The following ZFHX4 variants were observed in gnomAD, a reference collection of about 807,000 sequenced individuals.
ZFHX4 encodes zinc finger homeobox protein 4.
ZFHX4 carries 56 observed loss-of-function variants against 267.6 expected under a neutral mutation model. The observed-to-expected ratio is 0.21, with a 90% confidence interval of 0.17 to 0.26. The LOEUF (loss-of-function observed/expected upper bound fraction) is 0.26, where lower values mean the gene tolerates loss of function less well. Among genes scored for constraint, ZFHX4 ranks in the 10% least tolerant of loss-of-function variants. The pLI is 1.00. For missense variants in ZFHX4, 4,332 were observed against 4,420.0 expected (o/e 0.98, Z 0.56); for synonymous variants, 1,778 against 1,665.6 (o/e 1.07, Z -1.64).
chr8:76,799,784 T>C (rs964710636), intron 4 of ZFHX4, among the ~76,000 whole-genome samples: 1 of 152,144 alleles, frequency 6.6e-6, no homozygotes, highest in Non-Finnish European at 1.5e-5. Context: ...CTAGAAATGC[T>C]TCCTCGTCAC....
chr8:76,725,940 T>C (rs1284096202), intron 3 of ZFHX4, among the ~76,000 whole-genome samples: 1 of 152,140 alleles, frequency 6.6e-6, no homozygotes, highest in African/African-American at 2.4e-5. Flanking sequence ...AAAGCATTAA[T>C]AGATTTGTGT....
At position 76,749,128 on chromosome 8, in the gene ZFHX4, AC is replaced by A. The variant is rs764324542; in HGVS notation, c.3094-29079del. 7.9e-5 allele frequency among the ~76,000 whole-genome samples: 12 copies of A among 152,350 alleles called. No homozygotes were observed. In the East Asian group the frequency reaches 1.9e-3, roughly 24 times the overall value. On this transcript the variant is annotated intron_variant, in intron 3 of 10. Transcript: ENST00000651372. ...AATCCAAGCTTTCTTTAAAGTTGAT[AC>A]TACATGTATTCACTTCACTTCTGGT...
intron 3 of ZFHX4, among the ~76,000 whole-genome samples, chr8:76,752,901 C>T (rs1461263126): frequency 6.6e-6 from 1 of 152,028 alleles, no homozygotes; most frequent in Admixed American, 6.6e-5. Flanking sequence ...TGTACAATTC[C>T]TAAATTGACA....
At chr8:76,725,840 G>A (rs977826002) in intron 3 of ZFHX4, among the ~76,000 whole-genome samples, 2 of 152,116 alleles carry the variant, frequency 1.3e-5, no homozygotes, top group African/African-American at 4.8e-5. Flanking sequence ...CAATTGCAAG[G>A]ACATTTCGAA....
intron 1 of ZFHX4, among the ~76,000 whole-genome samples, chr8:76,695,578 T>G (rs1220471257): frequency 6.6e-6 from 1 of 152,232 alleles, no homozygotes; most frequent in African/African-American, 2.4e-5. Context: ...ATTCTGAAAC[T>G]TTAATTGAAA....
rs1812605809 is a variant in ZFHX4 at position 76,853,431 on chromosome 8, A to G, written c.6510A>G (p.Gln2170=). 6 of 1,613,892 alleles carry G rather than the reference A, an allele frequency of 3.7e-6. No homozygotes were observed. In the African/African-American group the frequency reaches 5.3e-5, roughly 14 times the overall value. The change falls in exon 10 of 11, where the codon CAA becomes CAG. Residue 2170 remains glutamine (Q), a synonymous_variant. Coordinates refer to ENST00000651372, the MANE Select transcript of ZFHX4 (RefSeq NM_024721.5). ...QEMAEKSGLS[Q]KVIKHWFRNT... is the part of the protein sequence containing the mutation. The stretch of plus-strand genomic sequence containing the variant: ...TGGCAGAGAAATCTGGCCTCTCCCA[A>G]AAAGTTATCAAACACTGGTTTAGAA...
Position 76,707,538 on chromosome 8 carries a change from T to C in ZFHX4, c.2591-8T>C, listed in dbSNP as rs1808308211. The C allele has an allele frequency of 6.6e-7, 1 of 1,520,450 alleles. No individual in the cohort carries two copies. The highest frequency in any genetic ancestry group is 2.3e-5 in the Admixed American group (1 of 43,832). The allele number at this position is 1,520,450 out of a possible 1,614,324, so 94.2% of individuals were successfully genotyped here. On this transcript the variant is annotated splice_polypyrimidine_tract_variant and splice_region_variant and intron_variant, in intron 2 of 10. Transcript: ENST00000651372. ...TCTATTTTTCCTTTTAATTTTTTTT[T>C]CCTGTAGTAAATAATGAGCTGCCGC...
Position 76,815,128 on chromosome 8 carries a change from G to C in ZFHX4, c.3326-18210G>C, listed in dbSNP as rs544197644. Among the ~76,000 whole-genome samples, 4 of 152,258 alleles carry C rather than the reference G, an allele frequency of 2.6e-5. No individual in the cohort carries two copies. In the East Asian group the frequency reaches 7.7e-4, roughly 29 times the overall value. On this transcript the variant is annotated intron_variant, in intron 4 of 10. Coordinates refer to ENST00000651372, the MANE Select transcript of ZFHX4 (RefSeq NM_024721.5). ...GAGTGAGGGAAATTATTTGCAGTAT[G>C]GTTAGAATGTGGAGGAGTTACTCAG... is the stretch of plus-strand genomic sequence containing the variant.
chr8:76,754,134 A>G (rs1300019203), intron 3 of ZFHX4, among the ~76,000 whole-genome samples: 1 of 152,130 alleles, frequency 6.6e-6, no homozygotes. Flanking sequence ...ATTCTTAGGA[A>G]CATATTTGTT....
chr8:76,861,338 C>T (rs866353464), intron 10 of ZFHX4, among the ~76,000 whole-genome samples: 7 of 152,124 alleles, frequency 4.6e-5, no homozygotes, highest in African/African-American at 1.4e-4. Flanking sequence ...TTAGTCTCCT[C>T]TAGCTCATCT....
Position 76,863,525 on chromosome 8 carries a change from G to C in ZFHX4, c.9811G>C (p.Ala3271Pro), listed in dbSNP as rs1235695039. 3 of 1,613,508 alleles carry C rather than the reference G, an allele frequency of 1.9e-6. No homozygotes were observed. Among genetic ancestry groups the C allele is most frequent in the Non-Finnish European group, 2.5e-6 (3 of 1,179,762 alleles). Residue 3271 changes from alanine (A) to proline (P), a missense_variant, in exon 11 of 11, where the codon GCT (alanine) becomes CCT (proline). Physicochemically the swap from Ala to Pro is conservative, Grantham distance 27 (BLOSUM62 -1). Coordinates refer to ENST00000651372, the MANE Select transcript of ZFHX4 (RefSeq NM_024721.5). ...QFLPYFIPGFASYFTPQLPGT... is the reference protein window; with the variant it reads ...QFLPYFIPGFPSYFTPQLPGT... ...CTTGCCATACTTTATCCCTGGGTTTGCTTCTTATTTTACACCTCAGCTCCC... is the reference window on the plus strand; with the variant it reads ...CTTGCCATACTTTATCCCTGGGTTTCCTTCTTATTTTACACCTCAGCTCCC...
intron 4 of ZFHX4, among the ~76,000 whole-genome samples, chr8:76,832,901 C>G (rs1002360887): frequency 1.3e-5 from 2 of 152,138 alleles, no homozygotes; most frequent in African/African-American, 4.8e-5. Flanking sequence ...CTGATGTTTG[C>G]TTTGGCACAT....
chr8:76,787,521 G>C (rs1362979264), intron 4 of ZFHX4, among the ~76,000 whole-genome samples: 1 of 151,746 alleles, frequency 6.6e-6, no homozygotes, highest in African/African-American at 2.4e-5. Context: ...TACTGAAAGT[G>C]GCCAGGTGCG....
chr8:76,717,817 G>T (rs11773996), intron 3 of ZFHX4, among the ~76,000 whole-genome samples: 1 of 151,946 alleles, frequency 6.6e-6, no homozygotes, highest in Non-Finnish European at 1.5e-5. Context: ...GGCAGGTCTC[G>T]AACTCCTGGG....
chr8:76,822,426 A>G (rs189833428), intron 4 of ZFHX4, among the ~76,000 whole-genome samples: 1 of 144,338 alleles, frequency 6.9e-6, no homozygotes, highest in East Asian at 2.0e-4. Context: ...TATTTTACCA[A>G]TCACTATCTG....
intron 6 of ZFHX4, among the ~76,000 whole-genome samples, chr8:76,845,380 A>T (rs900871096): frequency 5.3e-5 from 8 of 152,078 alleles, no homozygotes; most frequent in Admixed American, 5.2e-4. Context: ...AAAATGTAAT[A>T]TGTCTCTGCC....
In ZFHX4 at chr8:76,855,521, C is replaced by T. The variant is rs553133696; in HGVS notation, c.8600C>T (p.Ser2867Phe). ...TEVCDDKFLF[S>F]LTSPSIHFND... ...GTCTGCGATGACAAATTTCTCTTTT[C>T]TCTCACAAGCCCATCCATCCATTTC... Residue 2867 changes from serine to phenylalanine, a missense_variant, in exon 10 of 11, where the codon TCT (serine) becomes TTT (phenylalanine). Ser to Phe is a radical substitution (Grantham distance 155, BLOSUM62 -2). Transcript: ENST00000651372. 6.2e-7 allele frequency: 1 copy of T among 1,613,896 alleles called. No individual in the cohort carries two copies. The highest frequency in any genetic ancestry group is 1.1e-5 in the South Asian group (1 of 91,086).
At chr8:76,699,858 G>T (rs1157034797) in intron 1 of ZFHX4, among the ~76,000 whole-genome samples, 2 of 151,098 alleles carry the variant, frequency 1.3e-5, no homozygotes, top group Non-Finnish European at 2.9e-5. Flanking sequence ...AGAAGCTCTT[G>T]GTGTCTGCAT....
chr8:76,778,332 A>C lies in ZFHX4; in HGVS notation c.3218A>C (p.Gln1073Pro). ...CATGTCCGTTCGGTGAAGCATCAGC[A>C]GACTGAGGGCCTACGGAAGCTCCAG... is the stretch of plus-strand genomic sequence containing the variant. ...VQHVRSVKHQ[Q>P]TEGLRKLQLH... The change falls in exon 4 of 11, where the codon CAG becomes CCG. Residue 1073 changes from glutamine to proline, a missense_variant. Coordinates refer to ENST00000651372, the MANE Select transcript of ZFHX4 (RefSeq NM_024721.5). 1.2e-6 allele frequency: 2 copies of C among 1,613,924 alleles called. No homozygotes were observed. Among genetic ancestry groups the C allele is most frequent in the East Asian group, 2.2e-5 (1 of 44,878 alleles).
Sources: allele counts gnomAD v4.1 joint callset (sites outside exome capture counted in the v4.1 genomes callset), GRCh38; gene constraint gnomAD v4.1.1; transcripts MANE v1.5; gene names NCBI Gene and HGNC (gene_info 2026-07-23, HGNC 2026-07-21).